Variants in C10orf67 observed in about 807,000 individuals in gnomAD.
C10orf67 encodes uncharacterized protein C10orf67, mitochondrial.
A neutral mutation model predicts 35.6 loss-of-function variants in C10orf67; 60 were observed. That is an observed-to-expected ratio of 1.68 (90% CI 1.37 to 2.09). The LOEUF (loss-of-function observed/expected upper bound fraction) is 2.09, where lower values mean the gene tolerates loss of function less well. C10orf67 is among the 30% of genes most tolerant of loss of function. The pLI is 0.00. For missense variants in C10orf67, 474 were observed against 330.2 expected (o/e 1.44, Z -3.38); for synonymous variants, 167 against 115.8 (o/e 1.44, Z -2.84).
At position 23,340,939 on chromosome 10, in the gene C10orf67, C is replaced by T. The variant is rs77181500; in HGVS notation, c.206+3630G>A. On this transcript the variant is annotated intron_variant, in intron 1 of 15. Transcript: ENST00000636213. ...ATTAATAAAATGCAATGACTCTTCT[C>T]ACTGAATCCTAGAATTGTCCATCCT... Among the ~76,000 whole-genome samples, 434 of 152,348 alleles carry T rather than the reference C, an allele frequency of 2.8e-3. 4 individuals carry two copies. The highest frequency in any genetic ancestry group is 9.8e-3 in the African/African-American group (406 of 41,570).
At chr10:23,253,055 A>C (rs1278338112) in intron 10 of C10orf67, among the ~76,000 whole-genome samples, 2 of 151,518 alleles carry the variant, frequency 1.3e-5, no homozygotes, top group African/African-American at 4.9e-5. Flanking sequence ...CATCCATGTA[A>C]GATGTGACTT....
rs1291087268 is a variant in C10orf67 at position 23,203,377 on chromosome 10, T to C, written c.*796A>G. 3 of 152,256 alleles carry C rather than the reference T, an allele frequency of 2.0e-5. No homozygotes were observed. The highest frequency in any genetic ancestry group is 2.4e-5 in the African/African-American group (1 of 41,470). 9.4% of individuals were successfully genotyped at this position (152,256 alleles called of 1,614,324 possible). A position where few individuals can be genotyped will look rare whatever the true frequency, so the allele number is the denominator to read the frequency against. ...TTTGAACTAAAGTATATCAGCTTTA[T>C]GTGACAACTACCACAAATATATTTC... is the stretch of plus-strand genomic sequence containing the variant. On this transcript the variant is annotated 3_prime_UTR_variant, in exon 16 of 16. Coordinates refer to ENST00000636213, the MANE Select transcript of C10orf67 (RefSeq NM_001371909.1).
At chr10:23,300,090 G>A (rs1412512913) in intron 5 of C10orf67, among the ~76,000 whole-genome samples, 1 of 152,100 alleles carries the variant, frequency 6.6e-6, no homozygotes, top group African/African-American at 2.4e-5. Flanking sequence ...GATGGCATGG[G>A]CTGGTGCTTG....
intron 9 of C10orf67, 38 bp downstream of exon 9, chr10:23,267,156 TA>T: frequency 1.4e-6 from 1 of 696,840 alleles, no homozygotes. Flanking sequence ...AAGCACAAAA[TA>T]AAAGAGAAAG....
At chr10:23,260,478 A>T (rs934530985) in intron 10 of C10orf67, among the ~76,000 whole-genome samples, 3 of 152,216 alleles carry the variant, frequency 2.0e-5, no homozygotes, top group Non-Finnish European at 4.4e-5. Context: ...TGCAAATCTT[A>T]CTGTGACAAG....
intron 12 of C10orf67, among the ~76,000 whole-genome samples, chr10:23,246,023 A>C (rs1313508763): frequency 6.6e-6 from 1 of 152,234 alleles, no homozygotes; most frequent in Non-Finnish European, 1.5e-5. Flanking sequence ...CACAGTCATA[A>C]AAAGAATGAA....
At chr10:23,297,126 G>T (rs1003287763) in intron 5 of C10orf67, among the ~76,000 whole-genome samples, 1 of 152,124 alleles carries the variant, frequency 6.6e-6, no homozygotes, top group African/African-American at 2.4e-5. Flanking sequence ...TCCTGGAGGG[G>T]ATTACCCCAT....
intron 3 of C10orf67, among the ~76,000 whole-genome samples, chr10:23,322,173 C>A (rs1312462722): frequency 6.6e-6 from 1 of 152,150 alleles, no homozygotes; most frequent in Non-Finnish European, 1.5e-5. Context: ...AATAATTGTG[C>A]CTACTTCATA....
At chr10:23,323,291 A>G (rs926868128) in intron 2 of C10orf67, among the ~76,000 whole-genome samples, 2 of 152,208 alleles carry the variant, frequency 1.3e-5, no homozygotes, top group African/African-American at 4.8e-5. Context: ...ACCATTTGTA[A>G]TAATCAAAAC....
intron 10 of C10orf67, among the ~76,000 whole-genome samples, chr10:23,259,098 T>C (rs4633356): frequency 0.4 from 60,291 of 152,064 alleles, 15,210 homozygotes; most frequent in East Asian, 0.74. Context: ...TACTTGCTTT[T>C]TTATCAACAG....
At chr10:23,330,059 C>T (rs959798353) in intron 2 of C10orf67, among the ~76,000 whole-genome samples, 2 of 151,990 alleles carry the variant, frequency 1.3e-5, no homozygotes, top group South Asian at 4.2e-4. Flanking sequence ...GTATTCAAAC[C>T]CAGTCATACA....
At chr10:23,278,023 C>T (rs900909227) in intron 8 of C10orf67, among the ~76,000 whole-genome samples, 9 of 152,068 alleles carry the variant, frequency 5.9e-5, no homozygotes, top group African/African-American at 2.2e-4. Context: ...TTTTAAATGA[C>T]CAGAACTCAC....
At chr10:23,256,238 G>A (rs1302142035) in intron 10 of C10orf67, among the ~76,000 whole-genome samples, 1 of 152,066 alleles carries the variant, frequency 6.6e-6, no homozygotes, top group Admixed American at 6.6e-5. Context: ...CTGGGCTCAA[G>A]CAATCCTCCT....
At chr10:23,207,999 A>C (rs1841203619) in intron 15 of C10orf67, among the ~76,000 whole-genome samples, 1 of 152,194 alleles carries the variant, frequency 6.6e-6, no homozygotes. Flanking sequence ...CTCTTTATGA[A>C]AGACCGGGCT....
chr10:23,234,271 C>T lies in C10orf67; in HGVS notation c.1434+5458G>A, dbSNP rs370131853. Among the ~76,000 whole-genome samples the T allele has an allele frequency of 2.6e-5, 4 of 152,108 alleles. No homozygotes were observed. The South Asian group carries it at 8.3e-4, about 31-fold the overall frequency. On this transcript the variant is annotated intron_variant, in intron 13 of 15. Coordinates refer to ENST00000636213, the MANE Select transcript of C10orf67 (RefSeq NM_001371909.1). ...CACAATAGCAAAGACATGGAATCAA[C>T]TTAAATGCCCATCAATGATATACTG...
chr10:23,278,999 C>T (rs990268597), intron 8 of C10orf67, among the ~76,000 whole-genome samples: 1 of 152,192 alleles, frequency 6.6e-6, no homozygotes, highest in Non-Finnish European at 1.5e-5. Flanking sequence ...TGCCTGTAAT[C>T]CCAACACTTT....
At chr10:23,341,680 T>C (rs1305348110) in intron 1 of C10orf67, among the ~76,000 whole-genome samples, 1 of 152,164 alleles carries the variant, frequency 6.6e-6, no homozygotes, top group African/African-American at 2.4e-5. Flanking sequence ...TCACCTCCAC[T>C]ATTCTCCCTC....
intron 4 of C10orf67, among the ~76,000 whole-genome samples, chr10:23,314,483 A>AACACAC (rs56043614): frequency 0.019 from 2,580 of 135,786 alleles, 35 homozygotes; most frequent in Middle Eastern, 0.065. Context: ...ATTAAGTTAA[A>AACACAC]ACACACACAC....
intron 4 of C10orf67, among the ~76,000 whole-genome samples, chr10:23,306,329 G>A (rs980212949): frequency 6.6e-6 from 1 of 152,090 alleles, no homozygotes; most frequent in Admixed American, 6.5e-5. Flanking sequence ...TTCGAGACTA[G>A]CCTGGCCAAC....
Sources: allele counts gnomAD v4.1 joint callset (sites outside exome capture counted in the v4.1 genomes callset), GRCh38; gene constraint gnomAD v4.1.1; transcripts MANE v1.5; gene names NCBI Gene and HGNC (gene_info 2026-07-23, HGNC 2026-07-21).